Variants in PKNOX2 observed in about 807,000 individuals in gnomAD.
The protein encoded by PKNOX2 is PBX/knotted 1 homeobox 2, also known as homeobox protein PKNOX2.
In PKNOX2, 14 loss-of-function variants were observed where a neutral mutation model predicts 53.1. The observed-to-expected ratio is 0.26, with a 90% CI of 0.17 to 0.41. The LOEUF (loss-of-function observed/expected upper bound fraction) is 0.41. Ranked by LOEUF, PKNOX2 falls within the 10% of genes least tolerant of loss-of-function variation. The probability of loss-of-function intolerance (pLI) is 1.00; values close to 1 mark genes in which losing one functional copy is unlikely to be tolerated. For synonymous variants in PKNOX2, 257 were observed against 242.8 expected, an observed-to-expected ratio of 1.06 and a Z score of -0.54; for missense variants, 496 against 602.8, an observed-to-expected ratio of 0.82 and a Z score of 1.85.
intron 2 of PKNOX2, among the ~76,000 whole-genome samples, chr11:125,251,301 C>T (rs947416202): frequency 6.6e-6 from 1 of 152,148 alleles, no homozygotes; most frequent in East Asian, 1.9e-4. Flanking sequence ...AATTACTCTC[C>T]CCGCTTCCTT....
intron 1 of PKNOX2, among the ~76,000 whole-genome samples, chr11:125,189,447 GTATA>G (rs58968290): frequency 7.1e-3 from 166 of 23,316 alleles, no homozygotes; most frequent in Non-Finnish European, 8.8e-3. Context: ...GTGTGTGTGT[GTATA>G]TATATATATA....
chr11:125,296,930 A>T (rs1243887174), intron 2 of PKNOX2, among the ~76,000 whole-genome samples: 2 of 152,218 alleles, frequency 1.3e-5, no homozygotes, highest in African/African-American at 4.8e-5. Flanking sequence ...CATGGCGCTC[A>T]GCGGTTTATT....
chr11:125,248,435 C>T (rs1368474019), intron 2 of PKNOX2, among the ~76,000 whole-genome samples: 2 of 152,186 alleles, frequency 1.3e-5, no homozygotes, highest in African/African-American at 4.8e-5. Flanking sequence ...CAAGATGGGC[C>T]ATTGGAATAA....
chr11:125,317,547 A>G (rs1448204422), intron 2 of PKNOX2, among the ~76,000 whole-genome samples: 2 of 152,188 alleles, frequency 1.3e-5, no homozygotes, highest in Non-Finnish European at 2.9e-5. Context: ...GTACATCTCC[A>G]TCAGAGCTCT....
At chr11:125,226,493 G>C (rs1036467901) in intron 1 of PKNOX2, among the ~76,000 whole-genome samples, 1 of 152,142 alleles carries the variant, frequency 6.6e-6, no homozygotes, top group African/African-American at 2.4e-5. Flanking sequence ...CAGAGAGTTA[G>C]GGCAATGTGC....
chr11:125,355,822 CT>C (rs1333167522), intron 4 of PKNOX2, among the ~76,000 whole-genome samples: 1 of 152,182 alleles, frequency 6.6e-6, no homozygotes, highest in Non-Finnish European at 1.5e-5. Flanking sequence ...CCCGTCACTC[CT>C]TCTAGGCAAA....
intron 3 of PKNOX2, among the ~76,000 whole-genome samples, chr11:125,341,631 C>T (rs1950691525): frequency 6.6e-6 from 1 of 152,306 alleles, no homozygotes; most frequent in African/African-American, 2.4e-5. Context: ...TGATTTCCCA[C>T]GTGTAGTCCT....
At chr11:125,397,722 C>A (rs552416524) in intron 6 of PKNOX2, 152 bp from the exon 7 acceptor site, 2 of 744,482 alleles carry the variant, frequency 2.7e-6, no homozygotes, top group South Asian at 1.8e-5. Context: ...CCGCCTACCA[C>A]TTCTGGGCCT....
chr11:125,356,226 T>C (rs901129682), intron 4 of PKNOX2, among the ~76,000 whole-genome samples: 3 of 152,202 alleles, frequency 2.0e-5, no homozygotes, highest in Admixed American at 6.5e-5. Context: ...GAAATCCTGG[T>C]AGATCCTAGT....
chr11:125,252,650 G>A (rs577184443), intron 2 of PKNOX2, among the ~76,000 whole-genome samples: 1 of 152,220 alleles, frequency 6.6e-6, no homozygotes, highest in African/African-American at 2.4e-5. Flanking sequence ...ATGTTGAGTG[G>A]TGGGGTCCTG....
rs1169957994 is a variant in PKNOX2, at chr11:125,189,443, G to A, written c.-201+24667G>A. Among the ~76,000 whole-genome samples the A allele has an allele frequency of 6.1e-3, 346 of 56,538 alleles. 1 individual carries two copies. Among genetic ancestry groups the A allele is most frequent in the Middle Eastern group, 8.1e-3 (1 of 124 alleles). The allele number at this position is 56,538 out of a possible 152,430, so 37.1% of individuals were successfully genotyped here. A position where few individuals can be genotyped will look rare whatever the true frequency, so the allele number is the denominator to read the frequency against. The stretch of plus-strand genomic sequence containing the variant: ...TGTGTGTGTGTGTGTGTGTGTGTGT[G>A]TGTGTATATATATATATATATATAT... On this transcript the variant is annotated intron_variant, in intron 1 of 12. Coordinates refer to ENST00000298282, the MANE Select transcript of PKNOX2 (RefSeq NM_001382323.2).
chr11:125,194,406 A>G (rs1233089425), intron 1 of PKNOX2, among the ~76,000 whole-genome samples: 1 of 152,180 alleles, frequency 6.6e-6, no homozygotes, highest in African/African-American at 2.4e-5. Context: ...CCTAGAAGAT[A>G]TTGAGCAGGT....
At chr11:125,369,294 A>G (rs560670422) in intron 5 of PKNOX2, among the ~76,000 whole-genome samples, 7 of 152,348 alleles carry the variant, frequency 4.6e-5, no homozygotes, top group Admixed American at 2.6e-4. Flanking sequence ...CACACAGGCT[A>G]GGCCCAGCTG....
At chr11:125,364,449 C>T (rs1952079206) in intron 4 of PKNOX2, among the ~76,000 whole-genome samples, 1 of 152,184 alleles carries the variant, frequency 6.6e-6, no homozygotes, top group Admixed American at 6.5e-5. Context: ...CCTCCAGGGC[C>T]TTCCCCCCAC....
intron 2 of PKNOX2, among the ~76,000 whole-genome samples, chr11:125,265,286 C>CA (rs200547805): frequency 0.047 from 6,517 of 139,682 alleles, 325 homozygotes; most frequent in East Asian, 0.27. Context: ...GACTCTGTCT[C>CA]AAAAAAAAAA....
intron 3 of PKNOX2, among the ~76,000 whole-genome samples, chr11:125,340,137 A>G (rs1025753824): frequency 5.3e-5 from 8 of 152,236 alleles, no homozygotes; most frequent in African/African-American, 1.9e-4. Flanking sequence ...TAGCAGGATG[A>G]CAGGGCTGAT....
Position 125,183,198 on chromosome 11 carries a change from C to CTT in PKNOX2, c.-201+18450_-201+18451dup, listed in dbSNP as rs10676031. Among the ~76,000 whole-genome samples, 221 of 85,808 alleles carry CTT rather than the reference C, an allele frequency of 2.6e-3. 30 individuals are homozygous for CTT. Among genetic ancestry groups the CTT allele is most frequent in the African/African-American group, 9.7e-3 (163 of 16,724 alleles). The allele number at this position is 85,808 out of a possible 152,430, so 56.3% of individuals were successfully genotyped here. ...TGGTGGCTGTAGCATGCGATGAATCCTTTTTTTTTTTTTTTTTTTTTTTTT... is the reference window on the plus strand; with the variant it reads ...TGGTGGCTGTAGCATGCGATGAATCCTTTTTTTTTTTTTTTTTTTTTTTTTTT... On this transcript the variant is annotated intron_variant, in intron 1 of 12. Coordinates refer to ENST00000298282, the MANE Select transcript of PKNOX2 (RefSeq NM_001382323.2).
At chr11:125,412,511 A>G (rs959217781) in intron 10 of PKNOX2, among the ~76,000 whole-genome samples, 1 of 152,246 alleles carries the variant, frequency 6.6e-6, no homozygotes, top group African/African-American at 2.4e-5. Context: ...TGTGTGCAGC[A>G]TTAGTTGCAA....
At chr11:125,410,075 G>T in intron 7 of PKNOX2, 121 bp from the exon 8 acceptor site, 1 of 1,361,276 alleles carries the variant, frequency 7.3e-7, no homozygotes, top group Non-Finnish European at 9.9e-7. Context: ...CTGGGTCTGG[G>T]GAGGAGCTAG....
Sources: gnomAD v4.1 joint callset for allele counts (sites outside exome capture counted in the v4.1 genomes callset) on GRCh38, gnomAD v4.1.1 for gene constraint, MANE v1.5 for transcripts, NCBI Gene and HGNC (gene_info 2026-07-23, HGNC 2026-07-21) for gene names.